CLYBL: variants seen among roughly 807,000 people sequenced by gnomAD.
CLYBL encodes citramalyl-CoA lyase, mitochondrial.
CLYBL carries 31 observed loss-of-function variants against 38.9 expected under a neutral mutation model. The observed-to-expected ratio is 0.80, with a 90% CI of 0.60 to 1.08. The LOEUF is 1.08. Ranked by LOEUF, CLYBL falls within the 50% of genes least tolerant of loss-of-function variation. The pLI, the probability that CLYBL is intolerant of heterozygous loss-of-function variation, is 0.00. For synonymous variants in CLYBL, 171 were observed against 158.6 expected, an observed-to-expected ratio of 1.08 and a Z score of -0.59; for missense variants, 434 against 411.6, an observed-to-expected ratio of 1.05 and a Z score of -0.47.
intron 2 of CLYBL, among the ~76,000 whole-genome samples, chr13:99,807,178 C>A (rs1452966777): frequency 6.6e-6 from 1 of 152,204 alleles, no homozygotes; most frequent in Non-Finnish European, 1.5e-5. Context: ...AAACCACAAC[C>A]CACTGATTTC....
intron 2 of CLYBL, among the ~76,000 whole-genome samples, chr13:99,780,804 C>G (rs1242706314): frequency 6.6e-6 from 1 of 150,448 alleles, no homozygotes; most frequent in Non-Finnish European, 1.5e-5. Flanking sequence ...ACCTCTGCCT[C>G]CCAGGTTTAA....
chr13:99,906,195 C>T (rs1234607805), intron 9 of CLYBL, among the ~76,000 whole-genome samples: 1 of 152,156 alleles, frequency 6.6e-6, no homozygotes, highest in Non-Finnish European at 1.5e-5. Flanking sequence ...GAGCACCTGT[C>T]ACTGTGATCA....
rs1426741700 is a variant in CLYBL at position 99,849,178 on chromosome 13, C to T, written c.250-9683C>T. Among the ~76,000 whole-genome samples, 1 of 151,376 alleles carries T rather than the reference C, an allele frequency of 6.6e-6. No homozygotes were observed. The highest frequency in any genetic ancestry group is 1.9e-4 in the East Asian group (1 of 5,134). ...AAAAAAAAAACACTATTGAGAAAGA[C>T]AGTGTAAGCTTGTGGTACGTAAATA... On this transcript the variant is annotated intron_variant, in intron 2 of 8. Transcript: ENST00000339105. The surrounding 1 kb of genome is among the most constrained non-coding windows in gnomAD (Gnocchi z 4.9).
intron 1 of CLYBL, among the ~76,000 whole-genome samples, chr13:99,640,963 A>G (rs1333107754): frequency 1.3e-5 from 2 of 152,264 alleles, no homozygotes; most frequent in African/African-American, 2.4e-5. Flanking sequence ...CTTAACAAAA[A>G]AATTAGTAGC....
rs557110576 is a variant in CLYBL, at chr13:99,785,316, C to T, written c.249+12306C>T. ...CTCAACCTCCCAGGCTTAAATAATC[C>T]TCCCACTTCAGCCTCTTGAGTAGCT... On this transcript the variant is annotated intron_variant, in intron 2 of 8. Coordinates refer to ENST00000339105, the MANE Select transcript of CLYBL (RefSeq NM_206808.5). Among the ~76,000 whole-genome samples, 6 of 147,990 alleles carry T rather than the reference C, an allele frequency of 4.1e-5. No individual in the cohort carries two copies. In the South Asian group the frequency reaches 8.8e-4, roughly 22 times the overall value.
chr13:99,833,540 T>C (rs991490031), intron 2 of CLYBL, among the ~76,000 whole-genome samples: 1 of 151,930 alleles, frequency 6.6e-6, no homozygotes, highest in South Asian at 2.1e-4. Flanking sequence ...CATAAATAAG[T>C]CATTAGAACT....
intron 1 of CLYBL, among the ~76,000 whole-genome samples, chr13:99,720,076 T>C (rs2048372405): frequency 6.6e-6 from 1 of 151,550 alleles, no homozygotes; most frequent in Non-Finnish European, 1.5e-5. Context: ...CTGCTTTTCA[T>C]TGTACTTAGT....
chr13:99,622,426 A>T (rs2046811826), intron 1 of CLYBL, among the ~76,000 whole-genome samples: 1 of 152,184 alleles, frequency 6.6e-6, no homozygotes, highest in South Asian at 2.1e-4. Context: ...AGATATTAAG[A>T]TGTACATTCT....
chr13:99,704,017 A>G (rs2048109220), intron 1 of CLYBL, among the ~76,000 whole-genome samples: 1 of 152,212 alleles, frequency 6.6e-6, no homozygotes, highest in Admixed American at 6.5e-5. Context: ...TGACTTCTAG[A>G]GAATGTGGTA....
intron 1 of CLYBL, chr13:99,690,902 A>C (rs1468465869): frequency 6.6e-6 from 1 of 152,194 alleles, no homozygotes; most frequent in Non-Finnish European, 1.5e-5. Context: ...CCTCATCGCA[A>C]ATAGCTGTCA....
At chr13:99,726,739 G>A (rs894940554) in intron 1 of CLYBL, 1 of 152,106 alleles carries the variant, frequency 6.6e-6, no homozygotes, top group Non-Finnish European at 1.5e-5. Context: ...TATCCCTAAG[G>A]CAGTAGTGTC....
intron 1 of CLYBL, among the ~76,000 whole-genome samples, chr13:99,671,853 T>C (rs182896424): frequency 6.6e-6 from 1 of 151,916 alleles, no homozygotes; most frequent in East Asian, 1.9e-4. Context: ...AACTGGTAGG[T>C]GAGAAGGGAT....
At chr13:99,700,414 A>G (rs1008187097) in intron 1 of CLYBL, among the ~76,000 whole-genome samples, 6 of 152,232 alleles carry the variant, frequency 3.9e-5, no homozygotes, top group Admixed American at 6.5e-5. Context: ...ATTGCACTCC[A>G]GCCTGGGCAA....
intron 2 of CLYBL, among the ~76,000 whole-genome samples, chr13:99,821,606 C>T (rs1183841178): frequency 6.6e-6 from 1 of 152,254 alleles, no homozygotes; most frequent in Non-Finnish European, 1.5e-5. Context: ...CCCCAGCTCT[C>T]ACAGGTCTGG....
Position 99,771,011 on chromosome 13 carries a change from C to T in CLYBL, c.63-1813C>T, listed in dbSNP as rs2049380406. On this transcript the variant is annotated intron_variant, in intron 1 of 8. Transcript: ENST00000339105. ...CCAGGATTACAGGCGTAAGCCACCA[C>T]GCGGGGCCCTTTTTTTTTTTTTTTT... Among the ~76,000 whole-genome samples the T allele has an allele frequency of 3.4e-5, 5 of 145,130 alleles. No individual in the cohort carries two copies. In the Admixed American group the frequency reaches 3.5e-4, roughly 10 times the overall value.
intron 1 of CLYBL, among the ~76,000 whole-genome samples, chr13:99,742,212 C>T (rs1428625853): frequency 2.0e-5 from 3 of 152,206 alleles, no homozygotes; most frequent in Non-Finnish European, 2.9e-5. Context: ...GCTTCTAGGT[C>T]GCACCTTGCA....
chr13:99,689,408 A>G (rs919466842), intron 1 of CLYBL, among the ~76,000 whole-genome samples: 5 of 152,212 alleles, frequency 3.3e-5, no homozygotes, highest in South Asian at 2.1e-4. Context: ...ATCTGGCTCT[A>G]ACTTCTCTTG....
At chr13:99,783,862 T>C (rs1566325611) in intron 2 of CLYBL, 1 of 128,890 alleles carries the variant, frequency 7.8e-6, no homozygotes, top group Non-Finnish European at 1.6e-5. Context: ...CAAAGTCTTA[T>C]ATGCCTCAAG....
intron 7 of CLYBL, among the ~76,000 whole-genome samples, chr13:99,876,069 CT>C (rs10625169): frequency 1.3e-4 from 14 of 106,656 alleles, no homozygotes; most frequent in East Asian, 2.8e-4. Flanking sequence ...TTCTATTTCA[CT>C]TTTTTTTTTT....
Sources: gnomAD v4.1 joint callset for allele counts (sites outside exome capture counted in the v4.1 genomes callset) on GRCh38, gnomAD v4.1.1 for gene constraint, Gnocchi (gnomAD v3.1) non-coding constraint, MANE v1.5 for transcripts, NCBI Gene and HGNC (gene_info 2026-07-23, HGNC 2026-07-21) for gene names.